NEGR1: variants seen among roughly 807,000 people sequenced by gnomAD.
The protein encoded by NEGR1 is neuronal growth regulator 1.
A neutral mutation model predicts 40.9 loss-of-function variants in NEGR1; 10 were observed. The observed-to-expected ratio is 0.24, with a 90% CI of 0.15 to 0.42. The LOEUF is 0.42. Among genes scored for constraint, NEGR1 ranks in the 10% least tolerant of loss-of-function variants. The pLI is 1.00. For synonymous variants in NEGR1, 185 were observed against 166.8 expected (o/e 1.11, Z -0.84); for missense variants, 352 against 438.9 (o/e 0.80, Z 1.77).
At chr1:71,909,257 T>A (rs1661361138) in intron 2 of NEGR1, among the ~76,000 whole-genome samples, 1 of 152,306 alleles carries the variant, frequency 6.6e-6, no homozygotes, top group East Asian at 1.9e-4. Context: ...CAGGAGTCCA[T>A]TTGAAATGGC....
chr1:71,900,198 G>C (rs900733992), intron 2 of NEGR1, among the ~76,000 whole-genome samples: 1 of 152,120 alleles, frequency 6.6e-6, no homozygotes, highest in Non-Finnish European at 1.5e-5. Flanking sequence ...AAGAACTCTT[G>C]TAAGGGATGC....
At chr1:71,948,108 T>C (rs1646037674) in intron 1 of NEGR1, among the ~76,000 whole-genome samples, 1 of 152,184 alleles carries the variant, frequency 6.6e-6, no homozygotes, top group Non-Finnish European at 1.5e-5. Flanking sequence ...AAAAATCTTT[T>C]CACTTTGTTC....
In NEGR1 at chr1:71,743,988, TC is replaced by T. The variant is rs935766344; in HGVS notation, c.535+32183del. On this transcript the variant is annotated intron_variant, in intron 3 of 6. Transcript: ENST00000357731. ...TGTCTTGTAGTTACTAGCCCTCCCT[TC>T]TGGTTAATTTTGCAATTCTCTCCCA... Among the ~76,000 whole-genome samples, 19 of 152,156 alleles carry T rather than the reference TC, an allele frequency of 1.2e-4. 1 individual carries two copies. The highest frequency in any genetic ancestry group is 4.3e-4 in the African/African-American group (18 of 41,434).
At chr1:72,187,184 T>C (rs1301225160) in intron 1 of NEGR1, among the ~76,000 whole-genome samples, 1 of 151,470 alleles carries the variant, frequency 6.6e-6, no homozygotes, top group Non-Finnish European at 1.5e-5. Flanking sequence ...TTTATCTTCA[T>C]TCTTAGCAAG....
chr1:72,281,574 T>A (rs537536006), intron 1 of NEGR1, among the ~76,000 whole-genome samples: 1 of 149,294 alleles, frequency 6.7e-6, no homozygotes, highest in East Asian at 2.0e-4. Flanking sequence ...GGGCACAGGA[T>A]AGGGACATTA....
intron 1 of NEGR1, among the ~76,000 whole-genome samples, chr1:72,102,025 C>T (rs1213674365): frequency 6.6e-6 from 1 of 151,892 alleles, no homozygotes; most frequent in Non-Finnish European, 1.5e-5. Context: ...CCTAAGGCTC[C>T]CACCTGAATT....
intron 2 of NEGR1, among the ~76,000 whole-genome samples, chr1:71,910,028 GGAGTAA>G (rs1227927154): frequency 6.6e-6 from 1 of 152,128 alleles, no homozygotes; most frequent in Non-Finnish European, 1.5e-5. Context: ...ATTGACAGAT[GGAGTAA>G]GACAGTACAT....
chr1:72,221,742 AT>A (rs1369810656), intron 1 of NEGR1, among the ~76,000 whole-genome samples: 8 of 152,140 alleles, frequency 5.3e-5, no homozygotes, highest in African/African-American at 1.7e-4. Context: ...TTATTGGATC[AT>A]TCAGTCCTTT....
At chr1:71,920,055 T>C (rs1254250243) in intron 2 of NEGR1, among the ~76,000 whole-genome samples, 4 of 152,270 alleles carry the variant, frequency 2.6e-5, no homozygotes, top group East Asian at 1.9e-4. Context: ...TCAGCAATTA[T>C]AGCCTCCTAC....
intron 2 of NEGR1, among the ~76,000 whole-genome samples, chr1:71,858,438 CAT>C (rs1659847361): frequency 6.6e-6 from 1 of 152,048 alleles, no homozygotes. Context: ...ACCTGAACTT[CAT>C]GGGTTTTAAT....
rs570019623 is a variant in NEGR1, at chr1:72,236,964, C to G, written c.176+45355G>C. Among the ~76,000 whole-genome samples, 4 of 151,990 alleles carry G rather than the reference C, an allele frequency of 2.6e-5. No homozygotes were observed. The East Asian group carries it at 7.7e-4, about 29-fold the overall frequency. ...GGATAGTTAGAAAACATTTTCAATA[C>G]TATGCTGATTTTTCAAATAAAAAAT... On this transcript the variant is annotated intron_variant, in intron 1 of 6. Coordinates refer to ENST00000357731, the MANE Select transcript of NEGR1 (RefSeq NM_173808.3).
At chr1:71,486,062 C>T (rs972178857) in intron 6 of NEGR1, among the ~76,000 whole-genome samples, 6 of 151,548 alleles carry the variant, frequency 4.0e-5, no homozygotes, top group African/African-American at 1.2e-4. Flanking sequence ...AATAAGAGTT[C>T]CAGGAATGAA....
At chr1:71,606,386 C>A (rs1650076800) in intron 5 of NEGR1, among the ~76,000 whole-genome samples, 1 of 152,190 alleles carries the variant, frequency 6.6e-6, no homozygotes, top group African/African-American at 2.4e-5. Flanking sequence ...CAGGTGACAT[C>A]TTGACTGCAA....
intron 2 of NEGR1, among the ~76,000 whole-genome samples, chr1:71,777,650 G>C (rs1461395488): frequency 6.6e-6 from 1 of 151,940 alleles, no homozygotes; most frequent in Non-Finnish European, 1.5e-5. Context: ...TTATGCAAGA[G>C]ACATGTTTTC....
chr1:71,776,371 T>C (rs1656509050), intron 2 of NEGR1, 74 bp from the exon 3 acceptor site: 5 of 883,294 alleles, frequency 5.7e-6, no homozygotes, highest in African/African-American at 1.7e-5. Flanking sequence ...ATTAATTCCA[T>C]AATATCATGC....
At position 71,826,628 on chromosome 1, in the gene NEGR1, C is replaced by CT. The variant is rs1202867953; in HGVS notation, c.410-50332dup. 5.3e-5 allele frequency among the ~76,000 whole-genome samples: 8 copies of CT among 151,774 alleles called. No individual in the cohort carries two copies. The East Asian group carries it at 1.4e-3, about 26-fold the overall frequency. On this transcript the variant is annotated intron_variant, in intron 2 of 6. Coordinates refer to ENST00000357731, the MANE Select transcript of NEGR1 (RefSeq NM_173808.3). ...GAAGTAAGGAAGAAAGATTCTTCCC[C>CT]TTTTTTTCTGTGTAAAGAAGTGTGT...
intron 2 of NEGR1, among the ~76,000 whole-genome samples, chr1:71,880,564 C>T (rs1660556341): frequency 6.6e-6 from 1 of 151,910 alleles, no homozygotes; most frequent in Non-Finnish European, 1.5e-5. Flanking sequence ...TTTTTTTTAA[C>T]TCCTTTGAAA....
intron 1 of NEGR1, among the ~76,000 whole-genome samples, chr1:72,068,572 G>T (rs1647337166): frequency 6.6e-6 from 1 of 152,156 alleles, no homozygotes; most frequent in African/African-American, 2.4e-5. Context: ...TGGATGGACA[G>T]ATAGGAGAAT....
At chr1:72,088,833 T>C (rs1188275930) in intron 1 of NEGR1, among the ~76,000 whole-genome samples, 1 of 131,378 alleles carries the variant, frequency 7.6e-6, no homozygotes, top group Non-Finnish European at 1.6e-5. Flanking sequence ...TGAGACGGAA[T>C]GGACTCTCAC....
Sources: allele counts gnomAD v4.1 joint callset (sites outside exome capture counted in the v4.1 genomes callset), GRCh38; gene constraint gnomAD v4.1.1; transcripts MANE v1.5; gene names NCBI Gene and HGNC (gene_info 2026-07-23, HGNC 2026-07-21).